HIKESHI: variants seen among roughly 807,000 people sequenced by gnomAD.
HIKESHI encodes the protein protein Hikeshi.
A neutral mutation model predicts 25.7 loss-of-function variants in HIKESHI; 13 were observed. The ratio of observed to expected loss-of-function variants is 0.51; its 90% CI spans 0.33 to 0.80. The LOEUF is 0.80. Ranked by LOEUF, HIKESHI falls within the 30% of genes least tolerant of loss-of-function variation. HIKESHI has a pLI of 0.02. For missense variants in HIKESHI, 174 were observed against 229.5 expected, an observed-to-expected ratio of 0.76 and a Z score of 1.56; for synonymous variants, 76 against 78.7, an observed-to-expected ratio of 0.97 and a Z score of 0.18.
At chr11:86,306,078 A>G (rs1411694999) in intron 1 of HIKESHI, among the ~76,000 whole-genome samples, 167 bp from the exon 2 acceptor site, 1 of 152,172 alleles carries the variant, frequency 6.6e-6, no homozygotes, top group Non-Finnish European at 1.5e-5. Context: ...CATTTAGTAG[A>G]TTATGATTGT....
chr11:86,307,529 A>G (rs1332890946), intron 2 of HIKESHI, among the ~76,000 whole-genome samples: 1 of 138,646 alleles, frequency 7.2e-6, no homozygotes, highest in Non-Finnish European at 1.5e-5. Context: ...TATTATGTGT[A>G]GTATACATTA....
At chr11:86,312,540 AGCATT>A in intron 2 of HIKESHI, among the ~76,000 whole-genome samples, 1 of 152,150 alleles carries the variant, frequency 6.6e-6, no homozygotes, top group African/African-American at 2.4e-5. Context: ...TTTTAATTGG[AGCATT>A]TAGCCCATTT....
chr11:86,318,500 T>C (rs1412554210), intron 2 of HIKESHI, among the ~76,000 whole-genome samples: 3 of 151,992 alleles, frequency 2.0e-5, no homozygotes, highest in Non-Finnish European at 4.4e-5. Flanking sequence ...GGCAAAGTTA[T>C]TCAGTTTAAT....
At chr11:86,305,069 G>C (rs868369567) in intron 1 of HIKESHI, among the ~76,000 whole-genome samples, 1 of 152,128 alleles carries the variant, frequency 6.6e-6, no homozygotes, top group South Asian at 2.1e-4. Flanking sequence ...GCGGGACCTC[G>C]GCTTGCTGCA....
chr11:86,325,730 G>A (rs563325066), intron 2 of HIKESHI, among the ~76,000 whole-genome samples: 54 of 151,942 alleles, frequency 3.6e-4, no homozygotes, highest in African/African-American at 1.3e-3. Context: ...AAATTAGCTG[G>A]GCGTGGTGGT....
intron 3 of HIKESHI, among the ~76,000 whole-genome samples, chr11:86,338,600 T>C (rs767303187): frequency 1.6e-4 from 25 of 152,102 alleles, no homozygotes; most frequent in Non-Finnish European, 3.1e-4. Flanking sequence ...GAGGAGTGAA[T>C]GGATTAGGGA....
At chr11:86,311,858 A>G (rs2509619) in intron 2 of HIKESHI, among the ~76,000 whole-genome samples, 93,831 of 151,566 alleles carry the variant, frequency 0.62, 29,196 homozygotes, top group East Asian at 0.79. Context: ...ATTTCCTTGT[A>G]GTTGAGCGGT....
At chr11:86,335,210 GT>G (rs897132998) in intron 2 of HIKESHI, among the ~76,000 whole-genome samples, 2 of 151,910 alleles carry the variant, frequency 1.3e-5, no homozygotes, top group Admixed American at 6.6e-5. Flanking sequence ...CTAGAAGACT[GT>G]TTAAAAAAAA....
chr11:86,333,557 C>CAAAAA (rs111979847), intron 2 of HIKESHI, among the ~76,000 whole-genome samples: 2 of 144,658 alleles, frequency 1.4e-5, no homozygotes, highest in Admixed American at 6.9e-5. Flanking sequence ...AACAAACAAA[C>CAAAAA]AAAAAAAAAA....
At chr11:86,312,460 G>A (rs1448991148) in intron 2 of HIKESHI, among the ~76,000 whole-genome samples, 3 of 151,932 alleles carry the variant, frequency 2.0e-5, no homozygotes, top group African/African-American at 4.8e-5. Context: ...GTGTCTGCAC[G>A]TGAGATGGGT....
rs1946654202 is a variant in HIKESHI, at chr11:86,307,191, GTGTAATATACATCATA to G, written c.268+711_268+726del. 2.6e-5 allele frequency among the ~76,000 whole-genome samples: 2 copies of G among 76,424 alleles called. 1 individual carries two copies. The highest frequency in any genetic ancestry group is 1.1e-3 in the South Asian group (2 of 1,778). 50.1% of individuals were successfully genotyped at this position (76,424 alleles called of 152,430 possible). The stretch of plus-strand genomic sequence containing the variant: ...ACATCATATATCAAATATATATTAT[GTGTAATATACATCATA>G]TATCAAATATATATTATGTGTAATA... On this transcript the variant is annotated intron_variant, in intron 2 of 4. Coordinates refer to ENST00000278483, the MANE Select transcript of HIKESHI (RefSeq NM_016401.4).
chr11:86,328,901 G>A (rs531202961), intron 2 of HIKESHI, among the ~76,000 whole-genome samples: 2 of 114,726 alleles, frequency 1.7e-5, no homozygotes, highest in Non-Finnish European at 3.7e-5. Flanking sequence ...ATTGTGTTTT[G>A]TGTTTTGTGT....
At chr11:86,335,813 T>G (rs1161863262) in intron 2 of HIKESHI, among the ~76,000 whole-genome samples, 1 of 152,118 alleles carries the variant, frequency 6.6e-6, no homozygotes, top group East Asian at 1.9e-4. Flanking sequence ...CCCTAGAAGG[T>G]GGAAACATCT....
intron 2 of HIKESHI, among the ~76,000 whole-genome samples, chr11:86,331,318 A>G (rs574365558): frequency 6.6e-6 from 1 of 152,082 alleles, no homozygotes; most frequent in Non-Finnish European, 1.5e-5. Context: ...GTGAAACCCC[A>G]TGTCTACTAA....
chr11:86,342,068 G>C (rs1947745817), intron 3 of HIKESHI, among the ~76,000 whole-genome samples: 1 of 91,478 alleles, frequency 1.1e-5, no homozygotes, highest in Non-Finnish European at 2.2e-5. Flanking sequence ...AAACTGATGA[G>C]TGAAATTAGA....
intron 3 of HIKESHI, among the ~76,000 whole-genome samples, chr11:86,342,503 G>GTT (rs999366257): frequency 3.2e-5 from 3 of 93,460 alleles, no homozygotes; most frequent in Non-Finnish European, 7.0e-5. Flanking sequence ...GTGTGTGTGT[G>GTT]TGTGTGTGTG....
At chr11:86,307,775 AAT>A (rs1251909856) in intron 2 of HIKESHI, among the ~76,000 whole-genome samples, 3 of 117,626 alleles carry the variant, frequency 2.6e-5, no homozygotes, top group Non-Finnish European at 4.8e-5. Flanking sequence ...CATTATATAA[AAT>A]ATATATTATG....
intron 3 of HIKESHI, among the ~76,000 whole-genome samples, chr11:86,341,596 A>G (rs1231011782): frequency 1.3e-5 from 2 of 150,012 alleles, no homozygotes; most frequent in Non-Finnish European, 3.0e-5. Context: ...CTGGGCTCCC[A>G]CTAGTAGCTG....
rs551950554 is a variant in HIKESHI at position 86,318,824 on chromosome 11, C to T, written c.268+12342C>T. On this transcript the variant is annotated intron_variant, in intron 2 of 4. Transcript: ENST00000278483. ...TCATATTATTTGAGAGCAGATTCTACAATTAGAACATGTAATCTGTAAATA... is the reference window on the plus strand; with the variant it reads ...TCATATTATTTGAGAGCAGATTCTATAATTAGAACATGTAATCTGTAAATA... Among the ~76,000 whole-genome samples the T allele has an allele frequency of 5.3e-5, 8 of 152,184 alleles. No individual in the cohort carries two copies. In the South Asian group the frequency reaches 8.3e-4, roughly 16 times the overall value.
Sources: gnomAD v4.1 joint callset for allele counts (sites outside exome capture counted in the v4.1 genomes callset) on GRCh38, gnomAD v4.1.1 for gene constraint, MANE v1.5 for transcripts, NCBI Gene and HGNC (gene_info 2026-07-23, HGNC 2026-07-21) for gene names.